The following PALM variants were observed in gnomAD, a reference collection of about 807,000 sequenced individuals.
PALM encodes paralemmin-1.
PALM carries 18 observed loss-of-function variants against 30.7 expected under a neutral mutation model. The observed-to-expected ratio is 0.59, with a 90% CI of 0.41 to 0.87. PALM has a LOEUF of 0.87. Ranked by LOEUF, PALM falls within the 40% of genes least tolerant of loss-of-function variation. The pLI, the probability that PALM is intolerant of heterozygous loss-of-function variation, is 0.00. For synonymous variants in PALM, 286 were observed against 242.8 expected (o/e 1.18, Z -1.66); for missense variants, 529 against 555.4 (o/e 0.95, Z 0.48).
intron 8 of PALM, among the ~76,000 whole-genome samples, chr19:745,904 CA>C: frequency 1.3e-5 from 2 of 151,106 alleles, no homozygotes; most frequent in South Asian, 4.2e-4. Context: ...ACTAAAAATA[CA>C]AAATTAGCTG....
chr19:721,999 A>G (rs2032499106), intron 1 of PALM, among the ~76,000 whole-genome samples: 1 of 151,930 alleles, frequency 6.6e-6, no homozygotes, highest in African/African-American at 2.4e-5. Context: ...GCTCACTGCA[A>G]GCTCCGCCTT....
Position 710,201 on chromosome 19 carries a change from C to T in PALM, c.5+1050C>T, listed in dbSNP as rs115149931. ...TTCCCACTGGGCGTGTTTTCTAAGCCGCCAACTTTCCCCGGGGATTCACCC... is the reference window on the plus strand; with the variant it reads ...TTCCCACTGGGCGTGTTTTCTAAGCTGCCAACTTTCCCCGGGGATTCACCC... On this transcript the variant is annotated intron_variant, in intron 1 of 8. Coordinates refer to ENST00000338448, the MANE Select transcript of PALM (RefSeq NM_002579.3). 7.6e-3 allele frequency among the ~76,000 whole-genome samples: 1,160 copies of T among 152,310 alleles called. 17 individuals carry two copies. The highest frequency in any genetic ancestry group is 0.027 in the African/African-American group (1,114 of 41,572).
In PALM at chr19:742,054, C is replaced by T. The variant is rs1281229401; in HGVS notation, c.634+1571C>T. Among the ~76,000 whole-genome samples, 2 of 152,010 alleles carry T rather than the reference C, an allele frequency of 1.3e-5. No homozygotes were observed. The highest frequency in any genetic ancestry group is 2.9e-5 in the Non-Finnish European group (2 of 68,010). On this transcript the variant is annotated intron_variant, in intron 8 of 8. Transcript: ENST00000338448. This position sits in a 1 kb window ranked among gnomAD's most constrained non-coding sequence, Gnocchi z 5.5. ...ATATAATTCGCAGACCATAAAATTC[C>T]GCCTTAATGGGAGGCTCATCTGGGC...
chr19:720,059 CG>C (rs1409201303), intron 1 of PALM, among the ~76,000 whole-genome samples: 3 of 152,000 alleles, frequency 2.0e-5, no homozygotes, highest in Non-Finnish European at 4.4e-5. Context: ...GACGCCCAGA[CG>C]GGGACCCCCC....
Position 727,244 on chromosome 19 carries a change from G to A in PALM, c.138+156G>A, listed in dbSNP as rs1304759979. 3.8e-4 allele frequency among the ~76,000 whole-genome samples: 45 copies of A among 119,516 alleles called. 1 individual carries two copies. The highest frequency in any genetic ancestry group is 4.1e-4 in the Admixed American group (5 of 12,218). The allele number at this position is 119,516 out of a possible 152,430, so 78.4% of individuals were successfully genotyped here. A position where few individuals can be genotyped will look rare whatever the true frequency, so the allele number is the denominator to read the frequency against. On this transcript the variant is annotated intron_variant, in intron 3 of 8. Transcript: ENST00000338448. ...TGACCCCGACCCTGACCCCGACCCC[G>A]ACCCCGACCCTGACCCCAACCTGAC... is the stretch of plus-strand genomic sequence containing the variant.
At chr19:736,875 G>A (rs187456026) in intron 7 of PALM, among the ~76,000 whole-genome samples, 2 of 152,282 alleles carry the variant, frequency 1.3e-5, no homozygotes, top group East Asian at 1.9e-4. Context: ...CCAACATGGC[G>A]AAACCCCATC....
intron 7 of PALM, among the ~76,000 whole-genome samples, chr19:736,490 G>T (rs556484522): frequency 1.3e-5 from 2 of 152,312 alleles, no homozygotes; most frequent in South Asian, 4.1e-4. Context: ...GAAAGTGGGT[G>T]CCCCGTCCCT....
rs375468860 is a variant in PALM, at chr19:736,000, G to A, written c.443-19G>A. On this transcript the variant is annotated intron_variant, in intron 6 of 8. Transcript: ENST00000338448. Reference sequence around the variant, plus strand: ...TCCTCTGACCCTCATCTCTCTCTCCGCTTCCACCTCCCGTGCAGACAAGCG... The same window carrying A: ...TCCTCTGACCCTCATCTCTCTCTCCACTTCCACCTCCCGTGCAGACAAGCG... 4.7e-5 allele frequency: 76 copies of A among 1,602,558 alleles called. No individual in the cohort carries two copies. In the African/African-American group the frequency reaches 8.2e-4, roughly 17 times the overall value.
At chr19:744,702 T>C (rs992284206) in intron 8 of PALM, among the ~76,000 whole-genome samples, 16 of 151,878 alleles carry the variant, frequency 1.1e-4, no homozygotes, top group African/African-American at 3.6e-4. Context: ...AAGACCAGCC[T>C]GGCCAACGTG....
intron 5 of PALM, among the ~76,000 whole-genome samples, chr19:733,507 C>G (rs1456657028): frequency 6.6e-6 from 1 of 152,174 alleles, no homozygotes; most frequent in Non-Finnish European, 1.5e-5. Context: ...TCTGACCATG[C>G]AGGGCAGAAC....
In PALM at chr19:709,912, G is replaced by GT. The variant is rs1555686475; in HGVS notation, c.5+761_5+762insT. ...CCCGCATGGCTGCGCCTGTGTGTGT[G>GT]GGGGGGGGGTGGCCAGTGGAGGCAC... On this transcript the variant is annotated intron_variant, in intron 1 of 8. Transcript: ENST00000338448. The surrounding 1 kb of genome is among the most constrained non-coding windows in gnomAD (Gnocchi z 4.3). Among the ~76,000 whole-genome samples the GT allele has an allele frequency of 0.24, 29,880 of 125,132 alleles. 3,663 individuals are homozygous for GT. The highest frequency in any genetic ancestry group is 0.42 in the African/African-American group (14,131 of 33,464). 82.1% of individuals were successfully genotyped at this position (125,132 alleles called of 152,430 possible).
rs866569173 is a variant in PALM, at chr19:746,374, G to A, written c.724G>A (p.Val242Ile). Residue 242 changes from valine to isoleucine, a missense_variant, in exon 9 of 9, where the codon GTC (valine) becomes ATC (isoleucine). By Grantham distance (29) the Val-to-Ile change is conservative (BLOSUM62 3). Coordinates refer to ENST00000338448, the MANE Select transcript of PALM (RefSeq NM_002579.3). The surrounding 1 kb of genome is among the most constrained non-coding windows in gnomAD (Gnocchi z 7.1). Reference protein sequence around the residue: ...VDELIHKADEVTLSEAGSTAG... With the variant: ...VDELIHKADEITLSEAGSTAG... ...CGAACTCATCCACAAAGCGGACGAG[G>A]TCACGCTGAGCGAGGCAGGGTCCAC... is the stretch of plus-strand genomic sequence containing the variant. 3.7e-6 allele frequency: 6 copies of A among 1,613,202 alleles called. No individual in the cohort carries two copies. The African/African-American group carries it at 8.0e-5, about 22-fold the overall frequency.
intron 7 of PALM, among the ~76,000 whole-genome samples, chr19:736,425 C>T (rs182862861): frequency 1.1e-3 from 173 of 152,330 alleles, no homozygotes; most frequent in African/African-American, 3.9e-3. Context: ...TGAACATGCT[C>T]GCTGCAAATC....
chr19:741,046 G>A (rs577062857), intron 8 of PALM, among the ~76,000 whole-genome samples: 2 of 152,208 alleles, frequency 1.3e-5, no homozygotes, highest in African/African-American at 4.8e-5. Context: ...GGCTGAGATG[G>A]GAGGATCACT....
chr19:733,356 C>G (rs1183460816), intron 5 of PALM, among the ~76,000 whole-genome samples: 1 of 152,228 alleles, frequency 6.6e-6, no homozygotes, highest in Non-Finnish European at 1.5e-5. Context: ...TCCTGACGGG[C>G]ACACCCAGTG....
At position 735,999 on chromosome 19, in the gene PALM, C is replaced by T. The variant is rs147995718; in HGVS notation, c.443-20C>T. On this transcript the variant is annotated intron_variant, in intron 6 of 8. Transcript: ENST00000338448. ...CTCCTCTGACCCTCATCTCTCTCTC[C>T]GCTTCCACCTCCCGTGCAGACAAGC... 73 of 1,602,982 alleles carry T rather than the reference C, an allele frequency of 4.6e-5. No individual in the cohort carries two copies. The East Asian group carries it at 1.5e-3, about 32-fold the overall frequency.
At chr19:719,556 G>T in intron 1 of PALM, 2 of 985,706 alleles carry the variant, frequency 2.0e-6, no homozygotes, top group Non-Finnish European at 2.4e-6. Flanking sequence ...ACCTGCCCCG[G>T]GACCCCCAGC....
intron 1 of PALM, among the ~76,000 whole-genome samples, chr19:717,564 G>A (rs960838430): frequency 5.9e-5 from 9 of 152,114 alleles, no homozygotes; most frequent in Non-Finnish European, 1.0e-4. Flanking sequence ...ATGGACACCC[G>A]GGTTGGTTTA....
chr19:746,751 C>G lies in PALM; in HGVS notation c.1101C>G (p.Thr367=). 6.3e-7 allele frequency: 1 copy of G among 1,597,374 alleles called. No homozygotes were observed. The highest frequency in any genetic ancestry group is 8.5e-7 in the Non-Finnish European group (1 of 1,175,052). The change falls in exon 9 of 9, where the codon ACC becomes ACG. Residue 367 remains threonine (T), a synonymous_variant. Coordinates refer to ENST00000338448, the MANE Select transcript of PALM (RefSeq NM_002579.3). This position sits in a 1 kb window ranked among gnomAD's most constrained non-coding sequence, Gnocchi z 7.1. ...REENQAGPEA[T]TSDPQDLDMK... ...AGAATCAGGCGGGGCCCGAGGCCAC[C>G]ACCAGCGACCCCCAGGACCTCGACA...
Sources: gnomAD v4.1 joint callset for allele counts (sites outside exome capture counted in the v4.1 genomes callset) on GRCh38, gnomAD v4.1.1 for gene constraint, Gnocchi (gnomAD v3.1) non-coding constraint, MANE v1.5 for transcripts, NCBI Gene and HGNC (gene_info 2026-07-23, HGNC 2026-07-21) for gene names.